Variants in EPHA6 observed in about 807,000 individuals in gnomAD.
EPHA6 encodes EPH receptor A6, also known as ephrin type-A receptor 6.
Under a neutral mutation model 112.0 loss-of-function variants are expected in EPHA6, and 50 were observed. The ratio of observed to expected loss-of-function variants is 0.45; its 90% CI spans 0.36 to 0.56. The LOEUF is 0.56. Ranked by LOEUF, EPHA6 falls within the 20% of genes least tolerant of loss-of-function variation. EPHA6 has a pLI of 0.00. For synonymous variants in EPHA6, 529 were observed against 490.7 expected (o/e 1.08, Z -1.03); for missense variants, 1,280 against 1,417.4 (o/e 0.90, Z 1.56).
At chr3:97,502,924 TAAC>T (rs1243189238) in intron 10 of EPHA6, among the ~76,000 whole-genome samples, 1 of 112,362 alleles carries the variant, frequency 8.9e-6, no homozygotes, top group South Asian at 2.7e-4. Flanking sequence ...GAAAACAAAA[TAAC>T]AAGAAAACTA....
intron 2 of EPHA6, among the ~76,000 whole-genome samples, chr3:96,887,615 G>A (rs2037706280): frequency 6.6e-6 from 1 of 152,288 alleles, no homozygotes; most frequent in East Asian, 1.9e-4. Flanking sequence ...AGCTGTGGTG[G>A]TATCAGGAGG....
intron 15 of EPHA6, 111 bp downstream of exon 15, chr3:97,720,521 T>G: frequency 1.0e-6 from 1 of 958,816 alleles, no homozygotes; most frequent in Admixed American, 3.2e-5. Flanking sequence ...TCCTGAGAAC[T>G]TCTCATGGTC....
chr3:97,649,511 A>T (rs1395304504), intron 14 of EPHA6, among the ~76,000 whole-genome samples: 1 of 152,130 alleles, frequency 6.6e-6, no homozygotes, highest in Non-Finnish European at 1.5e-5. Context: ...TGGGAAATTC[A>T]AATAAAGGAA....
intron 11 of EPHA6, among the ~76,000 whole-genome samples, chr3:97,569,749 C>T (rs1460505374): frequency 6.6e-6 from 1 of 152,186 alleles, no homozygotes; most frequent in Non-Finnish European, 1.5e-5. Context: ...ATTGAAAACT[C>T]TGAGCTTAAA....
chr3:97,481,631 C>T, intron 9 of EPHA6: 1 of 443,422 alleles, frequency 2.3e-6, no homozygotes, highest in Non-Finnish European at 4.2e-6. Context: ...TCCCTAGGCC[C>T]GCCGCTTGGA....
At chr3:97,128,115 G>A (rs1411037185) in intron 3 of EPHA6, among the ~76,000 whole-genome samples, 1 of 152,018 alleles carries the variant, frequency 6.6e-6, no homozygotes, top group Non-Finnish European at 1.5e-5. Context: ...GCAGTATTTG[G>A]TTTTTGATTC....
chr3:97,013,873 T>C (rs115581909), intron 3 of EPHA6, among the ~76,000 whole-genome samples: 1,933 of 152,274 alleles, frequency 0.013, 50 homozygotes, highest in African/African-American at 0.044. Flanking sequence ...TTTATGTTTT[T>C]GTTTTTGGCA....
At chr3:97,261,196 T>C (rs2079491327) in intron 5 of EPHA6, among the ~76,000 whole-genome samples, 1 of 152,066 alleles carries the variant, frequency 6.6e-6, no homozygotes, top group Non-Finnish European at 1.5e-5. Flanking sequence ...GCATTTATTA[T>C]ATGGCTAGTT....
At chr3:97,256,388 G>A (rs114594133) in intron 5 of EPHA6, among the ~76,000 whole-genome samples, 2,061 of 151,838 alleles carry the variant, frequency 0.014, 54 homozygotes, top group African/African-American at 0.046. Context: ...TTTATTTAAC[G>A]TAAATTTGGC....
chr3:97,091,604 C>T (rs187293996), intron 3 of EPHA6, among the ~76,000 whole-genome samples: 49 of 152,182 alleles, frequency 3.2e-4, no homozygotes, highest in African/African-American at 1.2e-3. Flanking sequence ...AAAATACACT[C>T]AATCTTTAAA....
At chr3:96,931,860 C>T (rs1367887353) in intron 2 of EPHA6, among the ~76,000 whole-genome samples, 1 of 152,164 alleles carries the variant, frequency 6.6e-6, no homozygotes, top group African/African-American at 2.4e-5. Flanking sequence ...GGACCTCTTG[C>T]CTTACCAGAG....
intron 11 of EPHA6, among the ~76,000 whole-genome samples, chr3:97,570,232 A>G (rs1052262559): frequency 6.6e-6 from 1 of 152,198 alleles, no homozygotes; most frequent in Admixed American, 6.5e-5. Flanking sequence ...GGAAAACTTT[A>G]TGGAGAAAAA....
At chr3:97,449,853 T>C (rs565197020) in intron 7 of EPHA6, among the ~76,000 whole-genome samples, 1 of 152,242 alleles carries the variant, frequency 6.6e-6, no homozygotes, top group Non-Finnish European at 1.5e-5. Context: ...AGTTTATCAC[T>C]CCCTCAAAAT....
chr3:96,942,588 C>T (rs2041029124), intron 2 of EPHA6, among the ~76,000 whole-genome samples: 1 of 152,216 alleles, frequency 6.6e-6, no homozygotes, highest in Non-Finnish European at 1.5e-5. Flanking sequence ...CCTTGCCCTG[C>T]TTAGGCTAGC....
chr3:96,894,387 A>G (rs963247312), intron 2 of EPHA6, among the ~76,000 whole-genome samples: 2 of 152,158 alleles, frequency 1.3e-5, no homozygotes, highest in Non-Finnish European at 2.9e-5. Flanking sequence ...TCTTCATTTC[A>G]ATAACAAAAT....
chr3:96,994,811 T>G (rs13063639), intron 3 of EPHA6, among the ~76,000 whole-genome samples: 56,221 of 140,396 alleles, frequency 0.4, 12,970 homozygotes, highest in South Asian at 0.58. Flanking sequence ...TATATATATA[T>G]AGAGAGAGAG....
At chr3:96,983,120 G>A (rs1276878593) in intron 2 of EPHA6, among the ~76,000 whole-genome samples, 9 of 152,162 alleles carry the variant, frequency 5.9e-5, no homozygotes, top group East Asian at 1.9e-4. Flanking sequence ...TATTTTGCTC[G>A]TTAGTTGATG....
Position 97,406,252 on chromosome 3 carries a change from T to C in EPHA6, c.1731+978T>C, listed in dbSNP as rs536868307. On this transcript the variant is annotated intron_variant, in intron 6 of 17. Transcript: ENST00000389672. ...GTCTGCTGTAACAGAATACCACAGA[T>C]GGAGTAATTTATAATAAACAGAAAT... 2.6e-4 allele frequency among the ~76,000 whole-genome samples: 39 copies of C among 152,242 alleles called. 1 individual carries two copies. Among genetic ancestry groups the C allele is most frequent in the African/African-American group, 7.0e-4 (29 of 41,552 alleles).
At chr3:97,337,628 C>A (rs2083117357) in intron 5 of EPHA6, among the ~76,000 whole-genome samples, 1 of 152,070 alleles carries the variant, frequency 6.6e-6, no homozygotes, top group Admixed American at 6.6e-5. Flanking sequence ...TGCTATAAAC[C>A]TTTCCCACTT....
Sources: allele counts gnomAD v4.1 joint callset (sites outside exome capture counted in the v4.1 genomes callset), GRCh38; gene constraint gnomAD v4.1.1; transcripts MANE v1.5; gene names NCBI Gene and HGNC (gene_info 2026-07-23, HGNC 2026-07-21).